COL22A1: variants seen among roughly 807,000 people sequenced by gnomAD.
COL22A1 encodes the protein collagen alpha-1(XXII) chain.
COL22A1 carries 221 observed loss-of-function variants against 248.9 expected under a neutral mutation model. The ratio of observed to expected loss-of-function variants is 0.89; its 90% CI spans 0.80 to 0.99. The LOEUF (loss-of-function observed/expected upper bound fraction) is 0.99. Ranked by LOEUF, COL22A1 falls within the 50% of genes least tolerant of loss-of-function variation. The pLI, the probability that COL22A1 is intolerant of heterozygous loss-of-function variation, is 0.00. For missense variants in COL22A1, 2,240 were observed against 2,179.0 expected (o/e 1.03, Z -0.56); for synonymous variants, 891 against 793.4 (o/e 1.12, Z -2.07).
Position 138,796,514 on chromosome 8 carries a change from T to A in COL22A1, c.1596+305A>T, listed in dbSNP as rs111603598. Among the ~76,000 whole-genome samples the A allele has an allele frequency of 6.1e-3, 919 of 151,580 alleles. 6 individuals carry two copies. Among genetic ancestry groups the A allele is most frequent in the African/African-American group, 0.022 (899 of 41,286 alleles). ...CCAGATTTCCACTTCTCGGGTATAG[T>A]TCAAACGTCAACATTTCCAACAGAA... On this transcript the variant is annotated intron_variant, in intron 12 of 64. Coordinates refer to ENST00000303045, the MANE Select transcript of COL22A1 (RefSeq NM_152888.3).
intron 3 of COL22A1, among the ~76,000 whole-genome samples, chr8:138,868,418 C>T (rs147525136): frequency 1.0e-3 from 158 of 152,212 alleles, no homozygotes; most frequent in African/African-American, 3.6e-3. Flanking sequence ...GTATATAATA[C>T]ATGTATGGTA....
At chr8:138,851,125 G>A (rs575224206) in intron 3 of COL22A1, among the ~76,000 whole-genome samples, 2 of 152,296 alleles carry the variant, frequency 1.3e-5, no homozygotes, top group East Asian at 1.9e-4. Flanking sequence ...TGCCATGGAG[G>A]AAATATGCCT....
At chr8:138,890,200 A>G (rs1333511546) in intron 1 of COL22A1, among the ~76,000 whole-genome samples, 1 of 152,170 alleles carries the variant, frequency 6.6e-6, no homozygotes, top group Non-Finnish European at 1.5e-5. Flanking sequence ...TTCATGATAA[A>G]AAAAATAAAA....
At chr8:138,812,912 A>G in intron 8 of COL22A1, 27 bp downstream of exon 8, 1 of 1,570,772 alleles carries the variant, frequency 6.4e-7, no homozygotes, top group Non-Finnish European at 8.8e-7. Context: ...ATTTCCTCCC[A>G]TCCTCTCTGT....
At position 138,685,191 on chromosome 8, in the gene COL22A1, C is replaced by G; in HGVS notation, c.2967+17G>C. Reference sequence around the variant, plus strand: ...CCTGGTTTCTACAGGCACTGGGACCCCCGACCTTCCACTTACCGGCTCTCC... The same window carrying G: ...CCTGGTTTCTACAGGCACTGGGACCGCCGACCTTCCACTTACCGGCTCTCC... On this transcript the variant is annotated intron_variant, in intron 38 of 64. Transcript: ENST00000303045. 6.4e-7 allele frequency: 1 copy of G among 1,555,550 alleles called. No individual in the cohort carries two copies. The highest frequency in any genetic ancestry group is 8.8e-7 in the Non-Finnish European group (1 of 1,132,456).
At chr8:138,828,503 C>T (rs948972027) in intron 5 of COL22A1, among the ~76,000 whole-genome samples, 1 of 152,146 alleles carries the variant, frequency 6.6e-6, no homozygotes, top group Non-Finnish European at 1.5e-5. Flanking sequence ...TAGTGTTTCT[C>T]AGATTCAATA....
chr8:138,767,982 C>G (rs866657267), intron 16 of COL22A1, among the ~76,000 whole-genome samples: 5 of 152,174 alleles, frequency 3.3e-5, no homozygotes, highest in Non-Finnish European at 7.3e-5. Context: ...ATTGTTTTCC[C>G]CTGAAATCGG....
rs1236218624 is a variant in COL22A1 at position 138,821,412 on chromosome 8, C to G, written c.970-1G>C. ...TTTCACCATCCAGCCGGATGGAGAC[C>G]TGGGGAGGAAAGGACCAGAGACTCC... On this transcript the variant is annotated splice_acceptor_variant, in intron 6 of 64. Coordinates refer to ENST00000303045, the MANE Select transcript of COL22A1 (RefSeq NM_152888.3). LOFTEE classifies it high-confidence loss of function. The G allele has an allele frequency of 1.2e-6, 2 of 1,611,090 alleles. No homozygotes were observed. The highest frequency in any genetic ancestry group is 8.5e-7 in the Non-Finnish European group (1 of 1,177,454).
chr8:138,704,369 C>T (rs983712465), intron 30 of COL22A1, among the ~76,000 whole-genome samples: 1 of 152,210 alleles, frequency 6.6e-6, no homozygotes, highest in African/African-American at 2.4e-5. Context: ...TTGGGAGACA[C>T]CTCCCAGTAG....
At position 138,777,137 on chromosome 8, in the gene COL22A1, T is replaced by C. The variant is rs76669697; in HGVS notation, c.1759-1127A>G. On this transcript the variant is annotated intron_variant, in intron 15 of 64. Coordinates refer to ENST00000303045, the MANE Select transcript of COL22A1 (RefSeq NM_152888.3). ...CCTGTGGGCTCCACTCCCTTTTCTCTCCTTTCTTGGAGAAGAGACCCTGGG... is the reference window on the plus strand; with the variant it reads ...CCTGTGGGCTCCACTCCCTTTTCTCCCCTTTCTTGGAGAAGAGACCCTGGG... Among the ~76,000 whole-genome samples the C allele has an allele frequency of 6.6e-3, 999 of 152,258 alleles. 3 individuals are homozygous for C. The highest frequency in any genetic ancestry group is 0.01 in the Non-Finnish European group (690 of 68,020).
At chr8:138,739,169 G>C (rs936306717) in intron 22 of COL22A1, among the ~76,000 whole-genome samples, 2 of 152,144 alleles carry the variant, frequency 1.3e-5, no homozygotes, top group Admixed American at 6.5e-5. Context: ...AGCTCACATA[G>C]AGCAGAACTT....
At chr8:138,804,297 G>A (rs1040080724) in intron 10 of COL22A1, among the ~76,000 whole-genome samples, 5 of 152,144 alleles carry the variant, frequency 3.3e-5, no homozygotes, top group East Asian at 3.9e-4. Flanking sequence ...ACAATGTGAC[G>A]GATGACACTA....
intron 30 of COL22A1, among the ~76,000 whole-genome samples, chr8:138,704,234 T>C (rs1752638735): frequency 6.6e-6 from 1 of 152,230 alleles, no homozygotes. Context: ...CAGAAACTTC[T>C]GAAGACTTAA....
intron 16 of COL22A1, among the ~76,000 whole-genome samples, chr8:138,768,119 C>T (rs1051297582): frequency 2.0e-5 from 3 of 152,180 alleles, no homozygotes; most frequent in Non-Finnish European, 2.9e-5. Flanking sequence ...CGCCTCTGCC[C>T]TCGATCCGAT....
At chr8:138,867,339 C>T (rs892669293) in intron 3 of COL22A1, among the ~76,000 whole-genome samples, 3 of 152,186 alleles carry the variant, frequency 2.0e-5, no homozygotes, top group Non-Finnish European at 4.4e-5. Context: ...CTCGACTCTG[C>T]TCAACTCCCT....
chr8:138,638,677 T>A (rs566819677), intron 47 of COL22A1, among the ~76,000 whole-genome samples: 301 of 152,318 alleles, frequency 2.0e-3, no homozygotes, highest in African/African-American at 6.9e-3. Context: ...TCTGACATTT[T>A]TCCACGTAAT....
At chr8:138,616,434 A>G (rs147691230) in intron 54 of COL22A1, among the ~76,000 whole-genome samples, 14 of 152,278 alleles carry the variant, frequency 9.2e-5, no homozygotes, top group African/African-American at 3.4e-4. Flanking sequence ...GCTGACCCAT[A>G]ATGTCACTTC....
intron 16 of COL22A1, among the ~76,000 whole-genome samples, chr8:138,772,730 G>A (rs1012082669): frequency 3.9e-5 from 6 of 152,152 alleles, no homozygotes; most frequent in East Asian, 1.9e-4. Flanking sequence ...GTGTGGTGGC[G>A]CATGCCTGTA....
chr8:138,777,086 C>T (rs894982906), intron 15 of COL22A1, among the ~76,000 whole-genome samples: 1 of 152,230 alleles, frequency 6.6e-6, no homozygotes, highest in Non-Finnish European at 1.5e-5. Context: ...TGAGCAGGAA[C>T]ATGTCCTGTG....
Sources: allele counts gnomAD v4.1 joint callset (sites outside exome capture counted in the v4.1 genomes callset), GRCh38; gene constraint gnomAD v4.1.1; transcripts MANE v1.5; gene names NCBI Gene and HGNC (gene_info 2026-07-23, HGNC 2026-07-21).